SRP72: variants seen among roughly 807,000 people sequenced by gnomAD.
SRP72 encodes the protein signal recognition particle subunit SRP72.
SRP72 carries 49 observed loss-of-function variants against 96.3 expected under a neutral mutation model. The observed-to-expected ratio is 0.51, with a 90% CI of 0.40 to 0.65. The LOEUF (loss-of-function observed/expected upper bound fraction) is 0.65. Ranked by LOEUF, SRP72 falls within the 30% of genes least tolerant of loss-of-function variation. The pLI, the probability that SRP72 is intolerant of heterozygous loss-of-function variation, is 0.00. For synonymous variants in SRP72, 267 were observed against 275.2 expected (o/e 0.97, Z 0.30); for missense variants, 736 against 793.3 (o/e 0.93, Z 0.87).
At position 56,469,678 on chromosome 4, in the gene SRP72, A is replaced by T. The variant is rs199790304; in HGVS notation, c.135A>T (p.Val45=). ...TACTACAGATCAACAAAGATGACGT[A>T]ACTGCCCTGCATTGTAAAGTGGTAT... ...NKILQINKDD[V]TALHCKVVCL... The change falls in exon 2 of 19, where the codon GTA becomes GTT. Residue 45 remains valine, a synonymous_variant. Transcript: ENST00000642900. 2 of 1,608,482 alleles carry T rather than the reference A, an allele frequency of 1.2e-6. No individual in the cohort carries two copies. The highest frequency in any genetic ancestry group is 2.7e-5 in the African/African-American group (2 of 75,002).
intron 8 of SRP72, among the ~76,000 whole-genome samples, chr4:56,482,463 A>T (rs894711141): frequency 6.6e-6 from 1 of 151,630 alleles, no homozygotes; most frequent in Non-Finnish European, 1.5e-5. Context: ...AAAAAAAGGT[A>T]TGTACTTGTT....
In SRP72 at chr4:56,491,581, A is replaced by C. The variant is rs1720908739; in HGVS notation, c.1640+13A>C. ...CAAAGGAACAAGGGTAATATTTTTCATTGTAACGTTCTCTAATGCTGATTT... is the reference window on the plus strand; with the variant it reads ...CAAAGGAACAAGGGTAATATTTTTCCTTGTAACGTTCTCTAATGCTGATTT... On this transcript the variant is annotated intron_variant, in intron 16 of 18. Transcript: ENST00000642900. 6.2e-7 allele frequency: 1 copy of C among 1,610,882 alleles called. No homozygotes were observed. The highest frequency in any genetic ancestry group is 8.5e-7 in the Non-Finnish European group (1 of 1,178,054).
chr4:56,479,109 A>G (rs1035662983), intron 8 of SRP72, among the ~76,000 whole-genome samples: 2 of 152,118 alleles, frequency 1.3e-5, no homozygotes, highest in African/African-American at 4.8e-5. Flanking sequence ...AAAATACTAT[A>G]AATATATATA....
chr4:56,495,417 A>G, intron 17 of SRP72, 23 bp downstream of exon 17: 1 of 1,439,300 alleles, frequency 6.9e-7, no homozygotes, highest in Non-Finnish European at 9.6e-7. Context: ...AAAAGTCTTT[A>G]TAAATTTTCT....
intron 16 of SRP72, 60 bp from the exon 17 acceptor site, chr4:56,495,297 C>T: frequency 2.5e-6 from 3 of 1,214,430 alleles, no homozygotes; most frequent in Non-Finnish European, 3.5e-6. Context: ...AGAGCACTTA[C>T]TTAATGCTCT....
At chr4:56,490,750 C>A in intron 15 of SRP72, 105 bp downstream of exon 15, 1 of 954,532 alleles carries the variant, frequency 1.0e-6, no homozygotes, top group South Asian at 1.8e-5. Context: ...CTGCAACTAA[C>A]AAATCCTCCT....
At chr4:56,470,753 G>T (rs1475491390) in intron 2 of SRP72, among the ~76,000 whole-genome samples, 1 of 151,500 alleles carries the variant, frequency 6.6e-6, no homozygotes, top group Non-Finnish European at 1.5e-5. Flanking sequence ...CTAAAATTCA[G>T]TCTCTTGATT....
chr4:56,493,555 G>A (rs1049535696), intron 16 of SRP72, among the ~76,000 whole-genome samples: 4 of 152,034 alleles, frequency 2.6e-5, no homozygotes, highest in Admixed American at 6.6e-5. Context: ...AATAAATCAT[G>A]GTACTTGCTC....
In SRP72 at chr4:56,478,577, G is replaced by A; in HGVS notation, c.768-15G>A. ...AAAGGTTTGTTTGGTTTTGACTGTT[G>A]CTTGTTGTTCACAGACCAACAGATG... On this transcript the variant is annotated splice_polypyrimidine_tract_variant and intron_variant, in intron 7 of 18. Transcript: ENST00000642900. 6.2e-7 allele frequency: 1 copy of A among 1,613,678 alleles called. No homozygotes were observed.
intron 17 of SRP72, among the ~76,000 whole-genome samples, chr4:56,496,408 T>C (rs1721073489): frequency 6.6e-6 from 1 of 152,224 alleles, no homozygotes; most frequent in South Asian, 2.1e-4. Flanking sequence ...CTAATGTTTG[T>C]ATCCATTTCA....
intron 12 of SRP72, 30 bp from the exon 13 acceptor site, chr4:56,489,358 G>A (rs1305430563): frequency 1.5e-6 from 2 of 1,321,910 alleles, no homozygotes; most frequent in Middle Eastern, 2.0e-4. Flanking sequence ...TGAAGGGGGA[G>A]TTCACTAATT....
chr4:56,486,181 C>A, intron 10 of SRP72, 144 bp from the exon 11 acceptor site: 1 of 565,128 alleles, frequency 1.8e-6, no homozygotes, highest in Non-Finnish European at 3.0e-6. Flanking sequence ...TAAAAATTTC[C>A]CCAAGTTAAG....
rs183376472 is a variant in SRP72, at chr4:56,483,932, G to T, written c.957+662G>T. Among the ~76,000 whole-genome samples, 411 of 149,900 alleles carry T rather than the reference G, an allele frequency of 2.7e-3. 1 individual carries two copies. Among genetic ancestry groups the T allele is most frequent in the African/African-American group, 9.6e-3 (389 of 40,712 alleles). On this transcript the variant is annotated intron_variant, in intron 9 of 18. Coordinates refer to ENST00000642900, the MANE Select transcript of SRP72 (RefSeq NM_006947.4). ...TGTATAATCACATCAAGTTATAAAT[G>T]TTAAGGAAGTCAATTCTAACTCCAG...
chr4:56,491,300 T>A, intron 15 of SRP72, 131 bp from the exon 16 acceptor site: 1 of 925,320 alleles, frequency 1.1e-6, no homozygotes, highest in South Asian at 2.0e-5. Context: ...TAGGAACATT[T>A]TTTGCTTTTG....
intron 6 of SRP72, among the ~76,000 whole-genome samples, chr4:56,477,609 AAT>A (rs1720299641): frequency 6.6e-6 from 1 of 152,042 alleles, no homozygotes; most frequent in Non-Finnish European, 1.5e-5. Flanking sequence ...TCTTCTCTTT[AAT>A]ATTTTTAAGT....
At chr4:56,483,377 C>CT in intron 9 of SRP72, 107 bp downstream of exon 9, 1 of 1,131,102 alleles carries the variant, frequency 8.8e-7, no homozygotes, top group South Asian at 1.5e-5. Context: ...TGTATTTTGT[C>CT]TTCAACTCAT....
At chr4:56,490,244 G>A (rs1224486589) in intron 13 of SRP72, 89 bp from the exon 14 acceptor site, 5 of 976,080 alleles carry the variant, frequency 5.1e-6, no homozygotes, top group Admixed American at 2.6e-5. Flanking sequence ...ATGCATAGGT[G>A]TATTTCTTAA....
intron 1 of SRP72, among the ~76,000 whole-genome samples, chr4:56,468,979 G>A (rs1042924863): frequency 6.6e-6 from 1 of 152,202 alleles, no homozygotes; most frequent in Non-Finnish European, 1.5e-5. Flanking sequence ...ACAGTTGTTA[G>A]CGTTGAAACT....
chr4:56,477,319 T>C (rs1372415603), intron 6 of SRP72: 2 of 148,810 alleles, frequency 1.3e-5, no homozygotes, highest in African/African-American at 2.5e-5. Flanking sequence ...TTTTTTTTTT[T>C]TTTGAGACAG....
Sources: allele counts gnomAD v4.1 joint callset (sites outside exome capture counted in the v4.1 genomes callset), GRCh38; gene constraint gnomAD v4.1.1; transcripts MANE v1.5; gene names NCBI Gene and HGNC (gene_info 2026-07-23, HGNC 2026-07-21).